NEK11: variants seen among roughly 807,000 people sequenced by gnomAD.
NEK11 encodes NIMA related kinase 11.
In NEK11, 72 loss-of-function variants were observed where a neutral mutation model predicts 80.7. The ratio of observed to expected loss-of-function variants is 0.89; its 90% CI spans 0.74 to 1.08. The LOEUF is 1.08. Ranked by LOEUF, NEK11 falls within the 50% of genes least tolerant of loss-of-function variation. NEK11 has a pLI of 0.00. For missense variants in NEK11, 764 were observed against 763.6 expected, an observed-to-expected ratio of 1.00 and a Z score of -0.01; for synonymous variants, 251 against 260.7, an observed-to-expected ratio of 0.96 and a Z score of 0.36.
chr3:131,289,939 C>T (rs1460854583), intron 17 of NEK11, among the ~76,000 whole-genome samples: 1 of 152,180 alleles, frequency 6.6e-6, no homozygotes, highest in African/African-American at 2.4e-5. Context: ...GGAGACAGAA[C>T]TCTGATTTCT....
intron 17 of NEK11, among the ~76,000 whole-genome samples, chr3:131,318,292 C>A (rs2096864006): frequency 6.6e-6 from 1 of 151,998 alleles, no homozygotes; most frequent in East Asian, 1.9e-4. Context: ...ATATCCCATT[C>A]ATTATTTCCA....
chr3:131,152,300 T>C, intron 7 of NEK11, 88 bp from the exon 8 acceptor site: 1 of 1,147,156 alleles, frequency 8.7e-7, no homozygotes, highest in Non-Finnish European at 1.2e-6. Flanking sequence ...TCACAGCCAA[T>C]GCCCCAACAC....
At chr3:131,196,255 G>GT (rs1179292808) in intron 14 of NEK11, among the ~76,000 whole-genome samples, 1 of 151,956 alleles carries the variant, frequency 6.6e-6, no homozygotes, top group Non-Finnish European at 1.5e-5. Flanking sequence ...CAAATGCATT[G>GT]TTTTATTTAG....
chr3:131,269,642 C>T (rs1195475969), intron 16 of NEK11, among the ~76,000 whole-genome samples: 1 of 151,368 alleles, frequency 6.6e-6, no homozygotes, highest in East Asian at 1.9e-4. Context: ...GTTGATCTCA[C>T]TGGCAGCTGC....
intron 3 of NEK11, among the ~76,000 whole-genome samples, chr3:131,055,017 C>A (rs1323272210): frequency 2.0e-5 from 3 of 152,098 alleles, no homozygotes; most frequent in Non-Finnish European, 4.4e-5. Flanking sequence ...TAGCCTCAGG[C>A]AAGCAAGGCT....
chr3:131,221,502 C>G (rs1193706523), intron 14 of NEK11, among the ~76,000 whole-genome samples: 1 of 152,096 alleles, frequency 6.6e-6, no homozygotes, highest in Non-Finnish European at 1.5e-5. Flanking sequence ...TTCTGGGAAG[C>G]CTGTCACATG....
At chr3:131,063,655 GT>G (rs2148837220) in intron 3 of NEK11, among the ~76,000 whole-genome samples, 1 of 152,286 alleles carries the variant, frequency 6.6e-6, no homozygotes, top group East Asian at 1.9e-4. Context: ...GGCTTAATAA[GT>G]TTTGTCTGAT....
chr3:131,251,133 T>C (rs575886616), intron 16 of NEK11, among the ~76,000 whole-genome samples: 2 of 148,204 alleles, frequency 1.3e-5, no homozygotes, highest in East Asian at 3.9e-4. Flanking sequence ...AAACAGATTG[T>C]CTAAAACAGA....
chr3:131,031,643 G>C (rs2064863853), intron 3 of NEK11, among the ~76,000 whole-genome samples: 1 of 152,160 alleles, frequency 6.6e-6, no homozygotes, highest in African/African-American at 2.4e-5. Context: ...GCGGGGAAGA[G>C]AGAGAGAAAG....
At chr3:131,042,635 C>A (rs1170360767) in intron 3 of NEK11, among the ~76,000 whole-genome samples, 1 of 152,182 alleles carries the variant, frequency 6.6e-6, no homozygotes, top group Non-Finnish European at 1.5e-5. Context: ...ATAAAACTCC[C>A]ATCTCCCTGG....
At chr3:131,230,579 C>T (rs897710812) in intron 15 of NEK11, among the ~76,000 whole-genome samples, 1 of 152,080 alleles carries the variant, frequency 6.6e-6, no homozygotes, top group Non-Finnish European at 1.5e-5. Flanking sequence ...TGCCAAAACT[C>T]CTTAATGTTA....
intron 3 of NEK11, among the ~76,000 whole-genome samples, chr3:131,049,095 G>A (rs1161996433): frequency 6.6e-6 from 1 of 152,120 alleles, no homozygotes; most frequent in Non-Finnish European, 1.5e-5. Context: ...AACAATGATT[G>A]CTTTTTGGTT....
At chr3:131,291,489 G>T (rs1318503743) in intron 17 of NEK11, among the ~76,000 whole-genome samples, 3 of 152,110 alleles carry the variant, frequency 2.0e-5, no homozygotes, top group Admixed American at 2.0e-4. Context: ...GTGCAGTTTT[G>T]TAAAAACAAA....
intron 3 of NEK11, 127 bp from the exon 4 acceptor site, chr3:131,080,296 A>C (rs1413432008): frequency 3.0e-6 from 2 of 677,618 alleles, no homozygotes; most frequent in East Asian, 5.6e-5. Flanking sequence ...CAGTGTCATA[A>C]TAGGCAATAC....
intron 3 of NEK11, among the ~76,000 whole-genome samples, chr3:131,069,106 G>T (rs1455453230): frequency 1.3e-5 from 2 of 151,952 alleles, no homozygotes; most frequent in Admixed American, 6.6e-5. Flanking sequence ...CAAGGTTAAA[G>T]AACTTTATTT....
chr3:131,310,059 C>T (rs1162411431), intron 17 of NEK11, among the ~76,000 whole-genome samples: 4 of 127,392 alleles, frequency 3.1e-5, no homozygotes, highest in African/African-American at 5.8e-5. Context: ...TTCCTTATTG[C>T]ATTTTTCTAT....
At chr3:131,198,237 T>C (rs2150351739) in intron 14 of NEK11, among the ~76,000 whole-genome samples, 1 of 152,264 alleles carries the variant, frequency 6.6e-6, no homozygotes, top group African/African-American at 2.4e-5. Context: ...TTCAAAGTCC[T>C]TTTTCTACAA....
rs139558487 is a variant in NEK11, at chr3:131,072,721, C to A, written c.171-7702C>A. Among the ~76,000 whole-genome samples, 332 of 152,204 alleles carry A rather than the reference C, an allele frequency of 2.2e-3. 4 individuals are homozygous for A. The highest frequency in any genetic ancestry group is 7.5e-3 in the African/African-American group (310 of 41,534). ...AGAAAGAAGTTCCAGAAAGCTGTCT[C>A]CTCCATGAAGGGAATCCACTCATAT... is the stretch of plus-strand genomic sequence containing the variant. On this transcript the variant is annotated intron_variant, in intron 3 of 17. Coordinates refer to ENST00000383366, the MANE Select transcript of NEK11 (RefSeq NM_024800.5).
At chr3:131,217,652 C>T (rs1166313660) in intron 14 of NEK11, among the ~76,000 whole-genome samples, 1 of 151,944 alleles carries the variant, frequency 6.6e-6, no homozygotes, top group Non-Finnish European at 1.5e-5. Context: ...GCCACCATCT[C>T]ACTCTGGCCC....
Sources: allele counts gnomAD v4.1 joint callset (sites outside exome capture counted in the v4.1 genomes callset), GRCh38; gene constraint gnomAD v4.1.1; transcripts MANE v1.5; gene names NCBI Gene and HGNC (gene_info 2026-07-23, HGNC 2026-07-21).